Variants in PCBP3 observed in about 807,000 individuals in gnomAD.
The protein encoded by PCBP3 is poly(rC)-binding protein 3.
PCBP3 carries 25 observed loss-of-function variants against 52.7 expected under a neutral mutation model. The observed-to-expected ratio is 0.47, with a 90% CI of 0.35 to 0.66. The LOEUF (loss-of-function observed/expected upper bound fraction) is 0.66. Ranked by LOEUF, PCBP3 falls within the 30% of genes least tolerant of loss-of-function variation. The pLI is 0.01. For missense variants in PCBP3, 391 were observed against 490.3 expected (o/e 0.80, Z 1.91); for synonymous variants, 162 against 183.0 (o/e 0.89, Z 0.93).
At chr21:45,773,618 C>T (rs1422091845) in intron 4 of PCBP3, among the ~76,000 whole-genome samples, 3 of 152,118 alleles carry the variant, frequency 2.0e-5, no homozygotes, top group Non-Finnish European at 4.4e-5. Flanking sequence ...TATATAAGTG[C>T]CATACTGTTC....
intron 4 of PCBP3, among the ~76,000 whole-genome samples, chr21:45,796,033 G>A (rs971304981): frequency 2.6e-5 from 4 of 152,160 alleles, no homozygotes; most frequent in East Asian, 1.9e-4. Context: ...GAAAAGACCC[G>A]TAATTGTGAG....
At chr21:45,705,927 C>T (rs1398453939) in intron 2 of PCBP3, among the ~76,000 whole-genome samples, 1 of 152,164 alleles carries the variant, frequency 6.6e-6, no homozygotes, top group Admixed American at 6.5e-5. Context: ...AGAGCACGTC[C>T]CTTGTTGGGA....
intron 10 of PCBP3, among the ~76,000 whole-genome samples, chr21:45,909,798 C>CACCCACTGCCCAGATACGGACCCGG (rs1569484467): frequency 5.5e-5 from 5 of 90,450 alleles, no homozygotes; most frequent in Admixed American, 1.1e-4. Flanking sequence ...GGACCCCCCC[C>CACCCACTGCCCAGATACGGACCCGG]CCACCCACTG....
intron 5 of PCBP3, among the ~76,000 whole-genome samples, chr21:45,891,515 G>A (rs902107192): frequency 1.1e-4 from 17 of 152,260 alleles, no homozygotes; most frequent in Middle Eastern, 3.4e-3. Flanking sequence ...CCTTTGTGTC[G>A]ACTTCTGAAA....
chr21:45,707,408 C>T (rs1048399695), intron 2 of PCBP3, among the ~76,000 whole-genome samples: 4 of 151,958 alleles, frequency 2.6e-5, no homozygotes, highest in Non-Finnish European at 2.9e-5. Flanking sequence ...CCCAGCTACT[C>T]GGAAGGCTGA....
At chr21:45,932,702 A>G (rs1484756189) in intron 15 of PCBP3, among the ~76,000 whole-genome samples, 511 of 94,798 alleles carry the variant, frequency 5.4e-3, no homozygotes, top group Middle Eastern at 0.026. Flanking sequence ...GCCATCCTGA[A>G]ATGAATGAAC....
At chr21:45,699,697 G>C (rs570258781) in intron 2 of PCBP3, among the ~76,000 whole-genome samples, 6 of 152,196 alleles carry the variant, frequency 3.9e-5, no homozygotes, top group Non-Finnish European at 7.3e-5. Flanking sequence ...GTCTCACATG[G>C]CAACAGACAA....
chr21:45,910,721 C>T (rs1462722905), intron 10 of PCBP3, among the ~76,000 whole-genome samples, 181 bp from the exon 11 acceptor site: 2 of 151,832 alleles, frequency 1.3e-5, no homozygotes, highest in Admixed American at 6.5e-5. Context: ...GGTGCCAGGC[C>T]GTGGTAGCAG....
intron 4 of PCBP3, among the ~76,000 whole-genome samples, chr21:45,768,991 G>C (rs143870825): frequency 7.2e-5 from 11 of 152,354 alleles, no homozygotes; most frequent in African/African-American, 2.4e-4. Flanking sequence ...CCAGGAGGAC[G>C]GTGTCTCTGC....
At chr21:45,769,434 T>A (rs139629366) in intron 4 of PCBP3, among the ~76,000 whole-genome samples, 29 of 152,360 alleles carry the variant, frequency 1.9e-4, no homozygotes, top group East Asian at 1.4e-3. Context: ...GCTGGGACTG[T>A]GGGCGCATCG....
intron 5 of PCBP3, 150 bp from the exon 6 acceptor site, chr21:45,896,058 C>T: frequency 1.5e-6 from 1 of 685,996 alleles, no homozygotes; most frequent in Non-Finnish European, 2.5e-6. Context: ...ACCCTGTGCC[C>T]AGCAGGCGAG....
At chr21:45,761,868 A>C (rs1047136778) in intron 4 of PCBP3, 26 of 152,386 alleles carry the variant, frequency 1.7e-4, no homozygotes, top group African/African-American at 5.5e-4. Flanking sequence ...ACCAGGGAGG[A>C]TGTCGGAAGG....
intron 2 of PCBP3, among the ~76,000 whole-genome samples, chr21:45,697,144 G>A (rs1053392186): frequency 5.3e-5 from 8 of 152,204 alleles, no homozygotes; most frequent in African/African-American, 1.9e-4. Flanking sequence ...GGATATATGT[G>A]CAAGAGAAAT....
intron 2 of PCBP3, among the ~76,000 whole-genome samples, chr21:45,714,591 C>T (rs1232211829): frequency 2.0e-5 from 3 of 152,038 alleles, no homozygotes; most frequent in African/African-American, 7.2e-5. Flanking sequence ...AAAGAATAAG[C>T]ATATAATAGA....
chr21:45,699,386 G>T (rs1367966985), intron 2 of PCBP3, among the ~76,000 whole-genome samples: 6 of 152,070 alleles, frequency 3.9e-5, no homozygotes, highest in Admixed American at 2.6e-4. Flanking sequence ...AGTTCAATCT[G>T]CCCTCCCTCC....
At chr21:45,679,982 T>C (rs748385193) in intron 2 of PCBP3, among the ~76,000 whole-genome samples, 17 of 152,250 alleles carry the variant, frequency 1.1e-4, no homozygotes, top group African/African-American at 3.6e-4. Context: ...TTTGCAATTC[T>C]CCAAATCATT....
chr21:45,899,377 G>T (rs1466393409), intron 6 of PCBP3, among the ~76,000 whole-genome samples: 5 of 152,148 alleles, frequency 3.3e-5, no homozygotes, highest in Non-Finnish European at 4.4e-5. Flanking sequence ...TCAGGTGGGC[G>T]CCAAGGAAGA....
intron 1 of PCBP3, among the ~76,000 whole-genome samples, chr21:45,660,260 G>A (rs183481175): frequency 1.8e-3 from 271 of 151,930 alleles, no homozygotes; most frequent in African/African-American, 5.7e-3. Context: ...ATTAAAGACC[G>A]TTTTTTTCTG....
chr21:45,789,178 A>G (rs1019216615), intron 4 of PCBP3, among the ~76,000 whole-genome samples: 4 of 152,212 alleles, frequency 2.6e-5, no homozygotes, highest in African/African-American at 9.7e-5. Flanking sequence ...GTGTGTGCAC[A>G]CGTGCGTGTG....
Sources: gnomAD v4.1 joint callset for allele counts (sites outside exome capture counted in the v4.1 genomes callset) on GRCh38, gnomAD v4.1.1 for gene constraint, MANE v1.5 for transcripts, NCBI Gene and HGNC (gene_info 2026-07-23, HGNC 2026-07-21) for gene names.